NBR1: variants seen among roughly 807,000 people sequenced by gnomAD.
NBR1 encodes the protein NBR1 autophagy cargo receptor.
NBR1 carries 59 observed loss-of-function variants against 115.5 expected under a neutral mutation model. The ratio of observed to expected loss-of-function variants is 0.51; its 90% confidence interval spans 0.41 to 0.63. The LOEUF is 0.63. NBR1 is among the 30% of genes least tolerant of loss of function. NBR1 has a pLI of 0.00. For missense variants in NBR1, 1,043 were observed against 1,150.5 expected, an observed-to-expected ratio of 0.91 and a Z score of 1.35; for synonymous variants, 373 against 414.7, an observed-to-expected ratio of 0.90 and a Z score of 1.22.
At chr17:43,178,969 C>A (rs568350600) in intron 3 of NBR1, among the ~76,000 whole-genome samples, 36 of 152,048 alleles carry the variant, frequency 2.4e-4, no homozygotes, top group African/African-American at 8.7e-4. Flanking sequence ...GTTGCTCAGG[C>A]TAATGGCTAA....
chr17:43,186,222 G>A (rs374703876), intron 5 of NBR1, 28 bp from the exon 6 acceptor site: 1 of 1,536,906 alleles, frequency 6.5e-7, no homozygotes, highest in African/African-American at 1.4e-5. Flanking sequence ...CACGTCGCAT[G>A]TTTTTGTTTC....
chr17:43,181,870 G>GCTA (rs2056675202), intron 5 of NBR1, among the ~76,000 whole-genome samples: 1 of 149,388 alleles, frequency 6.7e-6, no homozygotes, highest in Non-Finnish European at 1.5e-5. Flanking sequence ...TATAATCCCA[G>GCTA]CTACTTGGGA....
chr17:43,191,967 G>A (rs1200715172), intron 10 of NBR1, among the ~76,000 whole-genome samples: 1 of 148,724 alleles, frequency 6.7e-6, no homozygotes, highest in Non-Finnish European at 1.5e-5. Flanking sequence ...TGATCCGCCC[G>A]CCTTGGACTC....
chr17:43,186,283 C>T lies in NBR1; in HGVS notation c.241C>T (p.Gln81Ter). ...TAAACAGGGAAACCAACTGCAGATGCAAGTCCACGAAGGGCACCATGTCGT... is the reference window on the plus strand; with the variant it reads ...TAAACAGGGAAACCAACTGCAGATGTAAGTCCACGAAGGGCACCATGTCGT... ...AVKQGNQLQM[Q>*]VHEGHHVVDE... Residue 81 changes from glutamine (Q) to a stop codon, truncating the protein, a stop_gained, in exon 6 of 21, where the codon CAA (glutamine) becomes TAA (stop). Transcript: ENST00000590996. LOFTEE classifies it high-confidence loss of function. The T allele has an allele frequency of 6.3e-7, 1 of 1,583,710 alleles. No homozygotes were observed. The highest frequency in any genetic ancestry group is 1.2e-5 in the South Asian group (1 of 86,252).
chr17:43,211,035 C>G lies in NBR1; in HGVS notation c.*961C>G. 3.9e-6 allele frequency: 1 copy of G among 257,238 alleles called. No homozygotes were observed. The highest frequency in any genetic ancestry group is 7.3e-6 in the Non-Finnish European group (1 of 137,170). The allele number at this position is 257,238 out of a possible 1,614,324, so 15.9% of individuals were successfully genotyped here. On this transcript the variant is annotated 3_prime_UTR_variant, in exon 21 of 21. Coordinates refer to ENST00000590996, the MANE Select transcript of NBR1 (RefSeq NM_005899.5). Reference sequence around the variant, plus strand: ...GAGTGTGTGTGAGGTATAGGAAATGCTGATGACTTCTTTAATGCTTGAAGT... The same window carrying G: ...GAGTGTGTGTGAGGTATAGGAAATGGTGATGACTTCTTTAATGCTTGAAGT...
chr17:43,172,751 TGTA>T (rs1457398927), intron 1 of NBR1, among the ~76,000 whole-genome samples: 1 of 152,180 alleles, frequency 6.6e-6, no homozygotes, highest in Non-Finnish European at 1.5e-5. Context: ...CAGTCTTAAT[TGTA>T]GTATTTTACA....
At chr17:43,197,248 G>C in intron 16 of NBR1, 142 bp downstream of exon 16, 2 of 863,020 alleles carry the variant, frequency 2.3e-6, no homozygotes, top group Non-Finnish European at 3.5e-6. Flanking sequence ...GGCGGGGCGT[G>C]GTGGCTCAAG....
At chr17:43,209,453 C>A in intron 20 of NBR1, 1 of 876,546 alleles carries the variant, frequency 1.1e-6, no homozygotes, top group Non-Finnish European at 1.8e-6. Flanking sequence ...TTTTTTTTGT[C>A]CAGCTCCTCT....
At chr17:43,192,938 A>G (rs1268404009) in intron 10 of NBR1, among the ~76,000 whole-genome samples, 156 bp from the exon 11 acceptor site, 1 of 152,174 alleles carries the variant, frequency 6.6e-6, no homozygotes, top group Non-Finnish European at 1.5e-5. Context: ...TATTGTTTCT[A>G]ATATGTGGTC....
At chr17:43,204,438 G>A (rs1228079940) in intron 20 of NBR1, among the ~76,000 whole-genome samples, 1 of 152,102 alleles carries the variant, frequency 6.6e-6, no homozygotes, top group African/African-American at 2.4e-5. Flanking sequence ...GGGAGGCCAA[G>A]GTGGGAGGAT....
At chr17:43,171,154 A>C (rs757739474), upstream of NBR1, 1 of 152,690 alleles carries the variant, frequency 6.5e-6, no homozygotes, top group Non-Finnish European at 1.5e-5. Flanking sequence ...GTGAGAGCCA[A>C]TCATCTTGGC....
chr17:43,209,615 C>T (rs1300912784), intron 20 of NBR1: 1 of 1,535,430 alleles, frequency 6.5e-7, no homozygotes, highest in Non-Finnish European at 8.7e-7. Flanking sequence ...TTCCTGAAAG[C>T]CCCGAGTGAA....
chr17:43,182,763 CT>C (rs1215143818), intron 5 of NBR1, among the ~76,000 whole-genome samples: 1 of 151,364 alleles, frequency 6.6e-6, no homozygotes, highest in East Asian at 1.9e-4. Context: ...CCATTGAATG[CT>C]TTTTTTCTTT....
chr17:43,171,489 C>T (rs1399490291), intron 1 of NBR1, among the ~76,000 whole-genome samples, 187 bp downstream of exon 1: 2 of 152,176 alleles, frequency 1.3e-5, no homozygotes, highest in African/African-American at 2.4e-5. Context: ...CGAGAAGCGC[C>T]GGAGAGTTGG....
chr17:43,178,185 C>T, intron 3 of NBR1, 187 bp downstream of exon 3: 1 of 577,806 alleles, frequency 1.7e-6, no homozygotes, highest in Non-Finnish European at 2.8e-6. Context: ...GGAGAAGCAA[C>T]ACTGAAGAAT....
At chr17:43,208,975 A>G (rs189387878) in intron 20 of NBR1, among the ~76,000 whole-genome samples, 243 of 152,254 alleles carry the variant, frequency 1.6e-3, no homozygotes, top group African/African-American at 5.7e-3. Flanking sequence ...TCAAAAAACA[A>G]ACAAAACAAC....
At chr17:43,192,942 T>C (rs547527780) in intron 10 of NBR1, among the ~76,000 whole-genome samples, 152 bp from the exon 11 acceptor site, 14 of 152,334 alleles carry the variant, frequency 9.2e-5, no homozygotes, top group Non-Finnish European at 1.5e-4. Flanking sequence ...GTTTCTAATA[T>C]GTGGTCCTAT....
chr17:43,207,368 GT>G, intron 20 of NBR1, among the ~76,000 whole-genome samples: 1 of 152,060 alleles, frequency 6.6e-6, no homozygotes, highest in Non-Finnish European at 1.5e-5. Context: ...TTTAGTTTTA[GT>G]TTTTTAGATA....
chr17:43,183,043 C>T (rs1484794049), intron 5 of NBR1, among the ~76,000 whole-genome samples: 1 of 151,380 alleles, frequency 6.6e-6, no homozygotes, highest in East Asian at 1.9e-4. Context: ...GGATTACAGG[C>T]GTGAGCCACT....
Sources: gnomAD v4.1 joint callset for allele counts (sites outside exome capture counted in the v4.1 genomes callset) on GRCh38, gnomAD v4.1.1 for gene constraint, MANE v1.5 for transcripts, NCBI Gene and HGNC (gene_info 2026-07-23, HGNC 2026-07-21) for gene names.